The following SSC5D variants were observed in gnomAD, a reference collection of about 807,000 sequenced individuals.
The protein encoded by SSC5D is soluble scavenger receptor cysteine-rich domain-containing protein SSC5D.
In SSC5D, 106 loss-of-function variants were observed where a neutral mutation model predicts 104.6. The observed-to-expected ratio is 1.01, with a 90% CI of 0.87 to 1.19. The LOEUF is 1.19. SSC5D is among the 50% of genes most tolerant of loss of function. The pLI, the probability that SSC5D is intolerant of heterozygous loss-of-function variation, is 0.00. For synonymous variants in SSC5D, 860 were observed against 883.5 expected, an observed-to-expected ratio of 0.97 and a Z score of 0.47; for missense variants, 1,993 against 2,153.8, an observed-to-expected ratio of 0.93 and a Z score of 1.48.
At chr19:55,504,118 C>G (rs2123448713) in intron 12 of SSC5D, 1 of 1,535,264 alleles carries the variant, frequency 6.5e-7, no homozygotes, top group East Asian at 2.4e-5. Flanking sequence ...GTTTCCAGAG[C>G]CGGAAGCGGG....
intron 13 of SSC5D, among the ~76,000 whole-genome samples, chr19:55,514,080 GAT>G (rs1356786574): frequency 1.3e-5 from 2 of 152,190 alleles, no homozygotes; most frequent in Non-Finnish European, 2.9e-5. Flanking sequence ...AGAGCTGTTT[GAT>G]AAAGACAATC....
In SSC5D at chr19:55,518,721, T is replaced by G. The variant is rs778848198; in HGVS notation, c.4445T>G (p.Val1482Gly). 1.3e-6 allele frequency: 2 copies of G among 1,549,226 alleles called. No homozygotes were observed. Among genetic ancestry groups the G allele is most frequent in the Non-Finnish European group, 1.7e-6 (2 of 1,146,730 alleles). Residue 1482 changes from valine (V) to glycine (G), a missense_variant, in exon 14 of 14, where the codon GTC (valine) becomes GGC (glycine). Coordinates refer to ENST00000389623, the MANE Select transcript of SSC5D (RefSeq NM_001144950.2). The stretch of plus-strand genomic sequence containing the variant: ...GTGGCCCCAACACCACCTGTAAGGG[T>G]CATGGCTTGTGAGCCACCTGCCCTG... ...PCVAPTPPVR[V>G]MACEPPALVE...
At chr19:55,517,116 AG>A in intron 13 of SSC5D, 107 bp from the exon 14 acceptor site, 1 of 1,038,658 alleles carries the variant, frequency 9.6e-7, no homozygotes, top group East Asian at 2.6e-5. Flanking sequence ...TGACGTCTCG[AG>A]GCTCTGTGCC....
chr19:55,508,405 GGCCAGGC>G (rs1384968324), intron 12 of SSC5D, among the ~76,000 whole-genome samples: 2 of 152,116 alleles, frequency 1.3e-5, no homozygotes, highest in African/African-American at 4.8e-5. Flanking sequence ...GCTCTCCATG[GGCCAGGC>G]GCTGTTCAAA....
chr19:55,507,606 C>T (rs1398802691), intron 12 of SSC5D, among the ~76,000 whole-genome samples: 3 of 128,480 alleles, frequency 2.3e-5, no homozygotes, highest in Non-Finnish European at 4.6e-5. Context: ...GCGGAGGTTG[C>T]AGTGAGCCGA....
rs114926717 is a variant in SSC5D, at chr19:55,503,855, G to A, written c.2785+2654G>A. On this transcript the variant is annotated intron_variant, in intron 12 of 13. Transcript: ENST00000389623. This position sits in a 1 kb window ranked among gnomAD's most constrained non-coding sequence, Gnocchi z 4.0. ...TGGCGCTCAGCACGCATGCGCAGGC[G>A]CGGTGGGCCCGGGAATGGAGGGACG... 6.7e-3 allele frequency among the ~76,000 whole-genome samples: 1,025 copies of A among 152,170 alleles called. 15 individuals carry two copies. Among genetic ancestry groups the A allele is most frequent in the African/African-American group, 0.023 (971 of 41,488 alleles).
In SSC5D at chr19:55,495,233, A is replaced by ATATATATATATATATAATT. The variant is rs1555765051; in HGVS notation, c.1387+451_1387+452insATATATATATATATAATTT. Reference sequence around the variant, plus strand: ...CCTCCTTTCATATATATATATATATATTTTTTTTTTTTTTTTTTTTTTTTT... The same window carrying ATATATATATATATATAATT: ...CCTCCTTTCATATATATATATATATATATATATATATATATAATTTTTTTTTTTTTTTTTTTTTTTTTTT... On this transcript the variant is annotated intron_variant, in intron 8 of 13. Coordinates refer to ENST00000389623, the MANE Select transcript of SSC5D (RefSeq NM_001144950.2). 3.8e-4 allele frequency among the ~76,000 whole-genome samples: 19 copies of ATATATATATATATATAATT among 50,664 alleles called. 4 individuals carry two copies. In the East Asian group the frequency reaches 0.016, roughly 43 times the overall value. 33.2% of individuals were successfully genotyped at this position (50,664 alleles called of 152,430 possible).
chr19:55,499,737 G>A, intron 9 of SSC5D, 79 bp from the exon 10 acceptor site: 7 of 1,120,960 alleles, frequency 6.2e-6, no homozygotes, highest in Non-Finnish European at 8.9e-6. Flanking sequence ...TGAGTGACTG[G>A]AGAGAAGGAG....
rs1437345915 is a variant in SSC5D, at chr19:55,517,284, C to T, written c.3008C>T (p.Ala1003Val). 2 of 1,547,552 alleles carry T rather than the reference C, an allele frequency of 1.3e-6. No individual in the cohort carries two copies. Residue 1003 changes from alanine to valine, a missense_variant, in exon 14 of 14, where the codon GCG (alanine) becomes GTG (valine). Ala to Val is a moderately conservative substitution (Grantham distance 64). Coordinates refer to ENST00000389623, the MANE Select transcript of SSC5D (RefSeq NM_001144950.2). ...RPPRPAATRTAPPTPSPGPSA... is the reference protein window; with the variant it reads ...RPPRPAATRTVPPTPSPGPSA... ...CCGCGGCCCGCTGCGACCAGGACAGCGCCCCCAACCCCGTCCCCAGGTCCC... is the reference window on the plus strand; with the variant it reads ...CCGCGGCCCGCTGCGACCAGGACAGTGCCCCCAACCCCGTCCCCAGGTCCC...
At position 55,517,391 on chromosome 19, in the gene SSC5D, G is replaced by C. The variant is rs1431340366; in HGVS notation, c.3115G>C (p.Glu1039Gln). The C allele has an allele frequency of 1.3e-6, 2 of 1,550,662 alleles. No individual in the cohort carries two copies. Among genetic ancestry groups the C allele is most frequent in the Admixed American group, 3.9e-5 (2 of 50,956 alleles). ...CACTCCCCACTCAGCCTTGACGTCC[G>C]AGGCGACCTCTGACGCTCCGGACAC... ...ELTPHSALTS[E>Q]ATSDAPDTSP... is the part of the protein sequence containing the mutation. Residue 1039 changes from glutamate to glutamine, a missense_variant, in exon 14 of 14, where the codon GAG becomes CAG. Glu to Gln is a conservative substitution (Grantham distance 29, BLOSUM62 2). Around this residue, in one of 6 missense-constraint regions of SSC5D, gnomAD observed 423 missense variants for 409.2 expected, o/e 1.03. Transcript: ENST00000389623.
At chr19:55,496,556 G>C (rs533818612) in intron 8 of SSC5D, among the ~76,000 whole-genome samples, 1 of 152,092 alleles carries the variant, frequency 6.6e-6, no homozygotes, top group Non-Finnish European at 1.5e-5. Flanking sequence ...AGTTCTCTCC[G>C]TGTCTCAGTC....
At chr19:55,505,542 G>A (rs112941568) in intron 12 of SSC5D, among the ~76,000 whole-genome samples, 7 of 151,842 alleles carry the variant, frequency 4.6e-5, no homozygotes, top group African/African-American at 1.7e-4. Flanking sequence ...AGATCAAGGC[G>A]CCAGCAGGGT....
intron 13 of SSC5D, 77 bp from the exon 14 acceptor site, chr19:55,517,147 C>T: frequency 1.5e-6 from 2 of 1,362,246 alleles, no homozygotes; most frequent in African/African-American, 1.4e-5. Context: ...GTCGGCTCCT[C>T]GAGGGGCGGG....
At chr19:55,493,994 G>GGGGGGGGGGGGGGA in intron 7 of SSC5D, 82 bp downstream of exon 7, 1 of 143,312 alleles carries the variant, frequency 7.0e-6, no homozygotes, top group South Asian at 7.8e-5. Context: ...GGGCGGGGGG[G>GGGGGGGGGGGGGGA]TCCCTACGCG....
At chr19:55,490,161 C>G in intron 4 of SSC5D, 137 bp from the exon 5 acceptor site, 1 of 612,160 alleles carries the variant, frequency 1.6e-6, no homozygotes, top group Non-Finnish European at 2.9e-6. Context: ...ACAGCCCGCC[C>G]CCTGCCCCGC....
chr19:55,497,210 T>C (rs1009090402), intron 8 of SSC5D, among the ~76,000 whole-genome samples: 20 of 152,172 alleles, frequency 1.3e-4, no homozygotes. Flanking sequence ...TGTAATGAAG[T>C]GTGTGCATGC....
At chr19:55,504,442 G>A in intron 12 of SSC5D, 1 of 152,082 alleles carries the variant, frequency 6.6e-6, no homozygotes, top group Non-Finnish European at 1.1e-5. Flanking sequence ...CAGGAGCAAT[G>A]TAACCTTGAA....
chr19:55,517,754 GC>G lies in SSC5D; in HGVS notation c.3482del (p.Pro1161LeufsTer11), dbSNP rs1568486057. The G allele has an allele frequency of 1.3e-6, 2 of 1,534,196 alleles. No individual in the cohort carries two copies. Among genetic ancestry groups the G allele is most frequent in the East Asian group, 5.0e-5 (2 of 40,120 alleles). On this transcript the variant is annotated frameshift_variant, in exon 14 of 14. Coordinates refer to ENST00000389623, the MANE Select transcript of SSC5D (RefSeq NM_001144950.2). LOFTEE classifies it low-confidence loss of function (END_TRUNC). ...CACTACTACCCCTGATCCCACCATG[GC>G]CCCTGACCCCATCACAACCCTTAAC... ...HPTTTPDPTMAPDPITTLNPT... is the reference protein window; with the variant it reads ...HPTTTPDPTMXPDPITTLNPT...
At chr19:55,493,311 A>G (rs1250437503) in intron 6 of SSC5D, among the ~76,000 whole-genome samples, 1 of 152,116 alleles carries the variant, frequency 6.6e-6, no homozygotes, top group East Asian at 1.9e-4. Context: ...CCGGCTCTCT[A>G]GGATCCGAGG....
Sources: allele counts gnomAD v4.1 joint callset (sites outside exome capture counted in the v4.1 genomes callset), GRCh38; gene constraint gnomAD v4.1.1; regional missense constraint gnomAD v4.1.1; non-coding constraint Gnocchi (gnomAD v3.1); transcripts MANE v1.5; gene names NCBI Gene and HGNC (gene_info 2026-07-23, HGNC 2026-07-21).